ZNRF2: variants seen among roughly 807,000 people sequenced by gnomAD.
ZNRF2 encodes the protein E3 ubiquitin-protein ligase ZNRF2.
In ZNRF2, 16 loss-of-function variants were observed where a neutral mutation model predicts 20.4. The ratio of observed to expected loss-of-function variants is 0.79; its 90% confidence interval spans 0.53 to 1.19. The LOEUF (loss-of-function observed/expected upper bound fraction) is 1.19. ZNRF2 is among the 50% of genes most tolerant of loss of function. The pLI is 0.00. For missense variants in ZNRF2, 363 were observed against 332.4 expected, an observed-to-expected ratio of 1.09 and a Z score of -0.72; for synonymous variants, 178 against 144.9, an observed-to-expected ratio of 1.23 and a Z score of -1.64.
rs562314056 is a variant in ZNRF2, at chr7:30,358,328, C to T, written c.671+2495C>T. Reference sequence around the variant, plus strand: ...TTAATGTCAACAGAGACTAAAAGGACTATAAGGCTTATAAGGATTAAATTT... The same window carrying T: ...TTAATGTCAACAGAGACTAAAAGGATTATAAGGCTTATAAGGATTAAATTT... On this transcript the variant is annotated intron_variant, in intron 3 of 4. Transcript: ENST00000323037. 5.3e-5 allele frequency among the ~76,000 whole-genome samples: 8 copies of T among 152,132 alleles called. No individual in the cohort carries two copies. The South Asian group carries it at 1.7e-3, about 32-fold the overall frequency.
chr7:30,343,040 C>G (rs1410287175), intron 2 of ZNRF2, among the ~76,000 whole-genome samples: 1 of 152,002 alleles, frequency 6.6e-6, no homozygotes, highest in Non-Finnish European at 1.5e-5. Context: ...GTTTCCTATT[C>G]ATGTGTAATT....
chr7:30,347,947 T>C (rs1210370512), intron 2 of ZNRF2, among the ~76,000 whole-genome samples: 3 of 152,192 alleles, frequency 2.0e-5, no homozygotes, highest in African/African-American at 7.2e-5. Flanking sequence ...TCTTAGATAC[T>C]TGATTTTTCT....
chr7:30,302,816 AG>A (rs1416643060), intron 1 of ZNRF2, among the ~76,000 whole-genome samples: 2 of 152,162 alleles, frequency 1.3e-5, no homozygotes, highest in South Asian at 4.1e-4. Context: ...TTCATACTCC[AG>A]TCTATCTGAC....
intron 2 of ZNRF2, among the ~76,000 whole-genome samples, chr7:30,324,410 G>GTGGT (rs1799520437): frequency 6.6e-6 from 1 of 151,554 alleles, no homozygotes; most frequent in South Asian, 2.1e-4. Flanking sequence ...TTAGCTGGGT[G>GTGGT]TGGTGGTGCA....
chr7:30,346,244 A>G (rs1359217868), intron 2 of ZNRF2, among the ~76,000 whole-genome samples: 1 of 122,690 alleles, frequency 8.2e-6, no homozygotes, highest in African/African-American at 3.2e-5. Context: ...CCCAGGCTGC[A>G]ATGCAGTGGC....
chr7:30,320,054 A>G (rs1253961241), intron 1 of ZNRF2, among the ~76,000 whole-genome samples: 1 of 152,146 alleles, frequency 6.6e-6, no homozygotes, highest in Non-Finnish European at 1.5e-5. Flanking sequence ...TTATATATTT[A>G]TTTAACCACG....
At chr7:30,345,016 CT>C (rs905553972) in intron 2 of ZNRF2, among the ~76,000 whole-genome samples, 1 of 152,024 alleles carries the variant, frequency 6.6e-6, no homozygotes, top group Non-Finnish European at 1.5e-5. Flanking sequence ...CCAAAGAACT[CT>C]TTTTTATGAC....
intron 3 of ZNRF2, among the ~76,000 whole-genome samples, chr7:30,360,248 T>TAAA (rs1800105572): frequency 6.6e-6 from 1 of 152,238 alleles, no homozygotes; most frequent in Admixed American, 6.5e-5. Flanking sequence ...TAAAGTCATT[T>TAAA]GAAACAGTGT....
chr7:30,337,199 A>T (rs1223766872), intron 2 of ZNRF2, among the ~76,000 whole-genome samples: 1 of 152,108 alleles, frequency 6.6e-6, no homozygotes, highest in African/African-American at 2.4e-5. Flanking sequence ...TTCGGATTGA[A>T]TCTTTTTATG....
At chr7:30,312,080 G>A (rs910902557) in intron 1 of ZNRF2, among the ~76,000 whole-genome samples, 5 of 152,148 alleles carry the variant, frequency 3.3e-5, no homozygotes, top group African/African-American at 1.2e-4. Context: ...TTGCTCAAGC[G>A]ATCCTCCCAC....
At chr7:30,322,993 A>C (rs1466544800) in intron 1 of ZNRF2, among the ~76,000 whole-genome samples, 1 of 152,168 alleles carries the variant, frequency 6.6e-6, no homozygotes, top group African/African-American at 2.4e-5. Flanking sequence ...TAATGTAGGA[A>C]ACTAGCTAAT....
intron 1 of ZNRF2, among the ~76,000 whole-genome samples, chr7:30,291,942 G>GT (rs1012213745): frequency 3.0e-4 from 46 of 151,434 alleles, no homozygotes; most frequent in African/African-American, 8.7e-4. Context: ...AAAAACCTGG[G>GT]TTTTTTTTTA....
chr7:30,309,913 T>C (rs1028085603), intron 1 of ZNRF2, among the ~76,000 whole-genome samples: 2 of 152,136 alleles, frequency 1.3e-5, no homozygotes, highest in Non-Finnish European at 2.9e-5. Flanking sequence ...ATACATGGCT[T>C]TGTATATGAA....
intron 1 of ZNRF2, among the ~76,000 whole-genome samples, chr7:30,308,038 C>T (rs1799236490): frequency 6.6e-6 from 1 of 152,124 alleles, no homozygotes; most frequent in Non-Finnish European, 1.5e-5. Context: ...CTTTGTTTTC[C>T]TGATAATGAA....
chr7:30,337,719 T>C (rs1185395002), intron 2 of ZNRF2, among the ~76,000 whole-genome samples: 4 of 152,028 alleles, frequency 2.6e-5, no homozygotes, highest in African/African-American at 9.6e-5. Flanking sequence ...ATTTGCTTGC[T>C]ATCTTTGCTT....
intron 1 of ZNRF2, among the ~76,000 whole-genome samples, chr7:30,315,778 T>G (rs1443768741): frequency 7.3e-6 from 1 of 136,250 alleles, no homozygotes; most frequent in African/African-American, 2.7e-5. Context: ...ACTTAAAGAA[T>G]CCTTGTAAGA....
intron 2 of ZNRF2, among the ~76,000 whole-genome samples, chr7:30,349,029 T>G (rs1799922108): frequency 6.6e-6 from 1 of 152,202 alleles, no homozygotes; most frequent in African/African-American, 2.4e-5. Flanking sequence ...ATGTAACATT[T>G]GATATTTATT....
chr7:30,324,988 T>C (rs895510425), intron 2 of ZNRF2, among the ~76,000 whole-genome samples: 3 of 152,180 alleles, frequency 2.0e-5, no homozygotes, highest in African/African-American at 7.2e-5. Flanking sequence ...ACAAATTTAG[T>C]CTGTGAGCTC....
intron 2 of ZNRF2, among the ~76,000 whole-genome samples, chr7:30,350,473 T>A (rs1799945738): frequency 6.6e-6 from 1 of 152,036 alleles, no homozygotes; most frequent in African/African-American, 2.4e-5. Flanking sequence ...GAAGCCCAGA[T>A]TAATAAACGT....
Sources: allele counts gnomAD v4.1 joint callset (sites outside exome capture counted in the v4.1 genomes callset), GRCh38; gene constraint gnomAD v4.1.1; transcripts MANE v1.5; gene names NCBI Gene and HGNC (gene_info 2026-07-23, HGNC 2026-07-21).